The following SORCS1 variants were observed in gnomAD, a reference collection of about 807,000 sequenced individuals.
The protein encoded by SORCS1 is VPS10 domain-containing receptor SorCS1.
SORCS1 carries 60 observed loss-of-function variants against 146.1 expected under a neutral mutation model. The observed-to-expected ratio is 0.41, with a 90% CI of 0.33 to 0.51. The LOEUF (loss-of-function observed/expected upper bound fraction) is 0.51, where lower values mean the gene tolerates loss of function less well. SORCS1 is among the 20% of genes least tolerant of loss of function. The pLI is 0.21. For missense variants in SORCS1, 1,352 were observed against 1,487.6 expected (o/e 0.91, Z 1.50); for synonymous variants, 637 against 584.0 (o/e 1.09, Z -1.31).
At chr10:106,836,771 A>G (rs1447863358) in intron 2 of SORCS1, among the ~76,000 whole-genome samples, 3 of 152,172 alleles carry the variant, frequency 2.0e-5, no homozygotes, top group Non-Finnish European at 4.4e-5. Flanking sequence ...AACTCTCACA[A>G]GGATCTATGA....
intron 1 of SORCS1, among the ~76,000 whole-genome samples, chr10:107,043,584 C>T (rs1259072953): frequency 6.6e-6 from 1 of 152,106 alleles, no homozygotes; most frequent in Non-Finnish European, 1.5e-5. Flanking sequence ...TGCGCTCCTT[C>T]CCTTCCTGTC....
chr10:106,779,534 C>T (rs990635969), intron 3 of SORCS1, among the ~76,000 whole-genome samples: 1 of 147,914 alleles, frequency 6.8e-6, no homozygotes, highest in Non-Finnish European at 1.5e-5. Context: ...TTAAGTTTGA[C>T]ATTATGGCCC....
At chr10:106,713,777 A>C (rs1443637587) in intron 6 of SORCS1, among the ~76,000 whole-genome samples, 1 of 152,230 alleles carries the variant, frequency 6.6e-6, no homozygotes, top group African/African-American at 2.4e-5. Context: ...ACTGTGTTGC[A>C]TGAAAAATCC....
chr10:106,666,297 T>C (rs1282168217), intron 17 of SORCS1, among the ~76,000 whole-genome samples: 2 of 152,244 alleles, frequency 1.3e-5, no homozygotes, highest in Non-Finnish European at 2.9e-5. Context: ...TTCTGCCTGA[T>C]GGCATTCATA....
At chr10:106,791,546 A>T (rs1007125977) in intron 3 of SORCS1, among the ~76,000 whole-genome samples, 2 of 152,122 alleles carry the variant, frequency 1.3e-5, no homozygotes, top group Admixed American at 1.3e-4. Context: ...TTAAAAATAC[A>T]AAATTAGTTG....
At position 106,677,350 on chromosome 10, in the gene SORCS1, C is replaced by T; in HGVS notation, c.1795G>A (p.Ala599Thr). The change falls in exon 13 of 26, where the codon GCT becomes ACT. Residue 599 changes from alanine to threonine, a missense_variant. Ala to Thr is a moderately conservative substitution (Grantham distance 58). Coordinates refer to ENST00000263054, the MANE Select transcript of SORCS1 (RefSeq NM_052918.5). Reference protein sequence around the residue: ...LYLDQGGVLVAMKHTSLPIRH... With the variant: ...LYLDQGGVLVTMKHTSLPIRH... Reference sequence around the variant, plus strand: ...ATTGGGAGAGATGTGTGTTTCATAGCAACCAGGACTCCACCTTGATCCAGG... The same window carrying T: ...ATTGGGAGAGATGTGTGTTTCATAGTAACCAGGACTCCACCTTGATCCAGG... 1 of 1,613,946 alleles carries T rather than the reference C, an allele frequency of 6.2e-7. No homozygotes were observed. Among genetic ancestry groups the T allele is most frequent in the Non-Finnish European group, 8.5e-7 (1 of 1,179,882 alleles).
At chr10:107,070,379 A>G (rs1025899351) in intron 1 of SORCS1, among the ~76,000 whole-genome samples, 2 of 152,180 alleles carry the variant, frequency 1.3e-5, no homozygotes, top group Admixed American at 1.3e-4. Context: ...AGTGACTATC[A>G]AAGTGGTTTT....
At position 106,825,346 on chromosome 10, in the gene SORCS1, A is replaced by T. The variant is rs547899383; in HGVS notation, c.726+4228T>A. Reference sequence around the variant, plus strand: ...GAGTGCAGTGGCGCGATCTCAGCTCACTGTAACGTCCGTCTCCCAGGTTCA... The same window carrying T: ...GAGTGCAGTGGCGCGATCTCAGCTCTCTGTAACGTCCGTCTCCCAGGTTCA... On this transcript the variant is annotated intron_variant, in intron 3 of 25. Coordinates refer to ENST00000263054, the MANE Select transcript of SORCS1 (RefSeq NM_052918.5). Among the ~76,000 whole-genome samples, 163 of 141,634 alleles carry T rather than the reference A, an allele frequency of 1.2e-3. No individual in the cohort carries two copies. In the Middle Eastern group the frequency reaches 0.03, roughly 26 times the overall value. 92.9% of individuals were successfully genotyped at this position (141,634 alleles called of 152,430 possible).
chr10:107,100,648 A>T (rs149235508), intron 1 of SORCS1, among the ~76,000 whole-genome samples: 64 of 152,274 alleles, frequency 4.2e-4, no homozygotes, highest in East Asian at 3.5e-3. Context: ...ATTGAGCTGA[A>T]CAATTCTCAG....
intron 2 of SORCS1, among the ~76,000 whole-genome samples, chr10:106,859,813 C>G (rs569740228): frequency 6.6e-6 from 1 of 152,154 alleles, no homozygotes; most frequent in Non-Finnish European, 1.5e-5. Flanking sequence ...CCATGTATTA[C>G]ATTTACATGC....
chr10:106,849,459 G>T (rs1202178834), intron 2 of SORCS1, among the ~76,000 whole-genome samples: 1 of 144,120 alleles, frequency 6.9e-6, no homozygotes. Context: ...GCACTTCTCT[G>T]TATTGGTTAT....
At position 106,713,765 on chromosome 10, in the gene SORCS1, A is replaced by T. The variant is rs182245275; in HGVS notation, c.1025-4424T>A. Among the ~76,000 whole-genome samples, 377 of 152,288 alleles carry T rather than the reference A, an allele frequency of 2.5e-3. 5 individuals are homozygous for T. Among genetic ancestry groups the T allele is most frequent in the African/African-American group, 8.6e-3 (359 of 41,562 alleles). ...ACTCCAACTTTGGTTTATTTCTAGT[A>T]TACTGTGTTGCATGAAAAATCCCAG... On this transcript the variant is annotated intron_variant, in intron 6 of 25. Transcript: ENST00000263054.
chr10:106,891,202 G>T lies in SORCS1; in HGVS notation c.627-61529C>A, dbSNP rs182296282. Among the ~76,000 whole-genome samples, 405 of 152,268 alleles carry T rather than the reference G, an allele frequency of 2.7e-3. 1 individual carries two copies. Among genetic ancestry groups the T allele is most frequent in the Middle Eastern group, 0.014 (4 of 294 alleles). On this transcript the variant is annotated intron_variant, in intron 2 of 25. Coordinates refer to ENST00000263054, the MANE Select transcript of SORCS1 (RefSeq NM_052918.5). Reference sequence around the variant, plus strand: ...TTAATTAGGATGAACTGTCACACTGGAGTACTTGATGAAATTAATCAAGCT... The same window carrying T: ...TTAATTAGGATGAACTGTCACACTGTAGTACTTGATGAAATTAATCAAGCT...
At chr10:106,608,081 T>C (rs1846732345) in intron 22 of SORCS1, among the ~76,000 whole-genome samples, 1 of 152,236 alleles carries the variant, frequency 6.6e-6, no homozygotes, top group Non-Finnish European at 1.5e-5. Flanking sequence ...TAGATGCTTC[T>C]AGAATCAATA....
Position 107,059,633 on chromosome 10 carries a change from T to C in SORCS1, c.559-103053A>G, listed in dbSNP as rs184232145. Among the ~76,000 whole-genome samples the C allele has an allele frequency of 5.9e-5, 9 of 152,292 alleles. No individual in the cohort carries two copies. In the East Asian group the frequency reaches 1.5e-3, roughly 26 times the overall value. ...GGTTCAAGGACCTGCAGCTCTGCTC[T>C]TGTAAAGAATCCAAGGGATTCTGTA... On this transcript the variant is annotated intron_variant, in intron 1 of 25. Transcript: ENST00000263054.
At chr10:107,026,562 G>A (rs946859280) in intron 1 of SORCS1, among the ~76,000 whole-genome samples, 1 of 151,684 alleles carries the variant, frequency 6.6e-6, no homozygotes, top group South Asian at 2.1e-4. Context: ...AGCTTGCAGT[G>A]AGCCGAGATT....
intron 25 of SORCS1, 148 bp from the exon 26 acceptor site, chr10:106,577,703 G>C (rs770420029): frequency 3.2e-4 from 460 of 1,422,028 alleles, no homozygotes; most frequent in Non-Finnish European, 3.9e-4. Context: ...CATACCCTAC[G>C]GAAATGCGAC....
intron 2 of SORCS1, among the ~76,000 whole-genome samples, chr10:106,932,340 C>A (rs964376903): frequency 5.3e-5 from 8 of 152,100 alleles, no homozygotes; most frequent in African/African-American, 1.7e-4. Flanking sequence ...TGATTGCTCC[C>A]CTGATACCAT....
At chr10:106,952,076 T>C (rs1209712198) in intron 2 of SORCS1, among the ~76,000 whole-genome samples, 1 of 152,190 alleles carries the variant, frequency 6.6e-6, no homozygotes, top group Non-Finnish European at 1.5e-5. Context: ...TTTATCTCCT[T>C]ACCCTTCCCT....
Sources: gnomAD v4.1 joint callset for allele counts (sites outside exome capture counted in the v4.1 genomes callset) on GRCh38, gnomAD v4.1.1 for gene constraint, MANE v1.5 for transcripts, NCBI Gene and HGNC (gene_info 2026-07-23, HGNC 2026-07-21) for gene names.